NIPAL3: variants seen among roughly 807,000 people sequenced by gnomAD.
NIPAL3 encodes NIPA like domain containing 3, also known as NIPA-like protein 3.
NIPAL3 carries 41 observed loss-of-function variants against 47.2 expected under a neutral mutation model. The observed-to-expected ratio is 0.87, with a 90% confidence interval of 0.68 to 1.13. The LOEUF is 1.13. Ranked by LOEUF, NIPAL3 falls within the 50% of genes most tolerant of loss-of-function variation. NIPAL3 has a pLI of 0.00. For missense variants in NIPAL3, 449 were observed against 530.1 expected (o/e 0.85, Z 1.50); for synonymous variants, 194 against 209.6 (o/e 0.93, Z 0.64).
At position 24,454,467 on chromosome 1, in the gene NIPAL3, C is replaced by G; in HGVS notation, c.637+963C>G. ...CTAATATGTGCATTTTTCTTCCAAC[C>G]TTCCTACTGTGTGCCCTACCACCGC... On this transcript the variant is annotated intron_variant, in intron 7 of 11. Transcript: ENST00000374399. The surrounding 1 kb of genome is among the most constrained non-coding windows in gnomAD (Gnocchi z 4.1). 1 of 996,904 alleles carries G rather than the reference C, an allele frequency of 1.0e-6. No homozygotes were observed. Among genetic ancestry groups the G allele is most frequent in the Non-Finnish European group, 1.2e-6 (1 of 836,780 alleles). 61.8% of individuals were successfully genotyped at this position (996,904 alleles called of 1,614,324 possible). A position where few individuals can be genotyped will look rare whatever the true frequency, so the allele number is the denominator to read the frequency against.
intron 10 of NIPAL3, among the ~76,000 whole-genome samples, chr1:24,462,531 C>A (rs1476413144): frequency 6.6e-6 from 1 of 152,132 alleles, no homozygotes; most frequent in Non-Finnish European, 1.5e-5. Context: ...CTTTAGCAGG[C>A]CAAGGCGGGA....
chr1:24,435,347 CA>C (rs1373490840), intron 2 of NIPAL3, among the ~76,000 whole-genome samples: 21 of 152,222 alleles, frequency 1.4e-4, no homozygotes, highest in African/African-American at 4.8e-4. Flanking sequence ...TATTTTAGAT[CA>C]AGCAAGTTTT....
At position 24,449,994 on chromosome 1, in the gene NIPAL3, T is replaced by C. The variant is rs1391387701; in HGVS notation, c.540+368T>C. On this transcript the variant is annotated intron_variant, in intron 6 of 11. Transcript: ENST00000374399. This position sits in a 1 kb window ranked among gnomAD's most constrained non-coding sequence, Gnocchi z 4.5. ...ATGAGAATGTTCACAGCAACATTAT[T>C]TTTTATAACTCCAGGCTGGAGACTC... Among the ~76,000 whole-genome samples, 1 of 152,212 alleles carries C rather than the reference T, an allele frequency of 6.6e-6. No individual in the cohort carries two copies. Among genetic ancestry groups the C allele is most frequent in the African/African-American group, 2.4e-5 (1 of 41,464 alleles).
At chr1:24,424,274 C>T (rs549322813) in intron 2 of NIPAL3, among the ~76,000 whole-genome samples, 1 of 152,152 alleles carries the variant, frequency 6.6e-6, no homozygotes, top group Non-Finnish European at 1.5e-5. Context: ...AGCTAAGTGA[C>T]CTTGGGTGTA....
intron 9 of NIPAL3, among the ~76,000 whole-genome samples, chr1:24,459,592 C>T (rs537837662): frequency 3.3e-5 from 5 of 152,322 alleles, no homozygotes; most frequent in African/African-American, 9.6e-5. Context: ...AAGTGCTTTC[C>T]TTTGGTGAAA....
intron 2 of NIPAL3, among the ~76,000 whole-genome samples, chr1:24,436,662 GGTT>G (rs1166445544): frequency 1.3e-5 from 2 of 151,472 alleles, no homozygotes; most frequent in Non-Finnish European, 2.9e-5. Context: ...ATAATTTTTG[GGTT>G]GTTTATTTTT....
At chr1:24,421,351 C>CA (rs140749450) in intron 2 of NIPAL3, among the ~76,000 whole-genome samples, 3,328 of 148,980 alleles carry the variant, frequency 0.022, 137 homozygotes, top group African/African-American at 0.077. Context: ...GACCCCACCT[C>CA]AAAAAAAAAG....
At chr1:24,433,443 G>A (rs1644966319) in intron 2 of NIPAL3, among the ~76,000 whole-genome samples, 1 of 152,208 alleles carries the variant, frequency 6.6e-6, no homozygotes. Flanking sequence ...GGCCAGGCAT[G>A]TAAAAAAACC....
intron 2 of NIPAL3, among the ~76,000 whole-genome samples, chr1:24,438,149 T>G (rs1645207137): frequency 6.6e-6 from 1 of 152,218 alleles, no homozygotes. Context: ...GGGGAAACCC[T>G]GGCTGGGCAG....
intron 2 of NIPAL3, among the ~76,000 whole-genome samples, chr1:24,436,639 C>T (rs1192026356): frequency 2.0e-5 from 3 of 147,278 alleles, no homozygotes; most frequent in Non-Finnish European, 2.9e-5. Context: ...TAGGCGCCCA[C>T]CACCACGCCC....
Position 24,449,384 on chromosome 1 carries a change from T to G in NIPAL3, c.395-97T>G. 2.3e-6 allele frequency: 3 copies of G among 1,279,500 alleles called. No homozygotes were observed. Among genetic ancestry groups the G allele is most frequent in the Non-Finnish European group, 3.2e-6 (3 of 933,572 alleles). The allele number at this position is 1,279,500 out of a possible 1,614,324, so 79.3% of individuals were successfully genotyped here. A position where few individuals can be genotyped will look rare whatever the true frequency, so the allele number is the denominator to read the frequency against. Reference sequence around the variant, plus strand: ...ATACAAACAATACCAGGTCATGGTATGTTGCAGGAGAAGCCTGTTTTTTCA... The same window carrying G: ...ATACAAACAATACCAGGTCATGGTAGGTTGCAGGAGAAGCCTGTTTTTTCA... On this transcript the variant is annotated intron_variant, in intron 5 of 11. Transcript: ENST00000374399. This position sits in a 1 kb window ranked among gnomAD's most constrained non-coding sequence, Gnocchi z 4.5.
In NIPAL3 at chr1:24,449,148, T is replaced by C. The variant is rs1285413965; in HGVS notation, c.395-333T>C. On this transcript the variant is annotated intron_variant, in intron 5 of 11. Coordinates refer to ENST00000374399, the MANE Select transcript of NIPAL3 (RefSeq NM_020448.5). This position sits in a 1 kb window ranked among gnomAD's most constrained non-coding sequence, Gnocchi z 4.5. Reference sequence around the variant, plus strand: ...CCTGAGGGTGGGGTCTAGTAATCAATTTCACAAATGAGAAATTTCAGTATC... The same window carrying C: ...CCTGAGGGTGGGGTCTAGTAATCAACTTCACAAATGAGAAATTTCAGTATC... 6.6e-6 allele frequency among the ~76,000 whole-genome samples: 1 copy of C among 152,224 alleles called. No individual in the cohort carries two copies. Among genetic ancestry groups the C allele is most frequent in the African/African-American group, 2.4e-5 (1 of 41,470 alleles).
intron 5 of NIPAL3, among the ~76,000 whole-genome samples, chr1:24,448,284 G>T (rs6656355): frequency 0.58 from 87,933 of 151,990 alleles, 25,750 homozygotes; most frequent in East Asian, 0.76. Context: ...TTGGCTGCCT[G>T]GGGCTGGGCC....
intron 2 of NIPAL3, 57 bp downstream of exon 2, chr1:24,419,697 G>A: frequency 1.3e-6 from 2 of 1,489,114 alleles, no homozygotes; most frequent in South Asian, 2.4e-5. Context: ...AAGTTACACA[G>A]TGCTCTGCAT....
chr1:24,456,928 A>G lies in NIPAL3; in HGVS notation c.773+655A>G, dbSNP rs1406840491. 3.3e-5 allele frequency among the ~76,000 whole-genome samples: 5 copies of G among 151,998 alleles called. No homozygotes were observed. In the East Asian group the frequency reaches 9.7e-4, roughly 29 times the overall value. On this transcript the variant is annotated intron_variant, in intron 8 of 11. Coordinates refer to ENST00000374399, the MANE Select transcript of NIPAL3 (RefSeq NM_020448.5). ...CAGGTGTATGCCACCACACCCGGCT[A>G]ATTTTTGTATTTTTAGTAGAGACGA...
At chr1:24,431,048 C>T (rs886765406) in intron 2 of NIPAL3, among the ~76,000 whole-genome samples, 2 of 152,192 alleles carry the variant, frequency 1.3e-5, no homozygotes, top group Non-Finnish European at 2.9e-5. Context: ...ATTAACAAAG[C>T]TAGTCCTTAT....
At chr1:24,452,616 G>T (rs1243958881) in intron 6 of NIPAL3, among the ~76,000 whole-genome samples, 1 of 152,130 alleles carries the variant, frequency 6.6e-6, no homozygotes, top group Non-Finnish European at 1.5e-5. Flanking sequence ...TCCAGCCCAG[G>T]TCTCCCTGAC....
chr1:24,424,389 G>A (rs769477228), intron 2 of NIPAL3, among the ~76,000 whole-genome samples: 1 of 152,028 alleles, frequency 6.6e-6, no homozygotes, highest in Admixed American at 6.6e-5. Context: ...CTAACACAGT[G>A]TCTGACCATG....
chr1:24,452,372 C>A (rs528710947), intron 6 of NIPAL3, among the ~76,000 whole-genome samples: 2 of 152,174 alleles, frequency 1.3e-5, no homozygotes, highest in Non-Finnish European at 2.9e-5. Flanking sequence ...CTCTGTGCCA[C>A]GCCATCGTGG....
Sources: gnomAD v4.1 joint callset for allele counts (sites outside exome capture counted in the v4.1 genomes callset) on GRCh38, gnomAD v4.1.1 for gene constraint, Gnocchi (gnomAD v3.1) non-coding constraint, MANE v1.5 for transcripts, NCBI Gene and HGNC (gene_info 2026-07-23, HGNC 2026-07-21) for gene names.